The following PTK2 variants were observed in gnomAD, a reference collection of about 807,000 sequenced individuals.
The protein encoded by PTK2 is focal adhesion kinase 1.
A neutral mutation model predicts 150.1 loss-of-function variants in PTK2; 45 were observed. That is an observed-to-expected ratio of 0.30 (90% CI 0.24 to 0.38). PTK2 has a LOEUF of 0.38. PTK2 is among the 10% of genes least tolerant of loss of function. The pLI is 1.00. For missense variants in PTK2, 919 were observed against 1,307.3 expected, an observed-to-expected ratio of 0.70 and a Z score of 4.58; for synonymous variants, 432 against 449.2, an observed-to-expected ratio of 0.96 and a Z score of 0.48.
At chr8:140,927,962 A>G (rs868608750) in intron 1 of PTK2, among the ~76,000 whole-genome samples, 101 of 31,536 alleles carry the variant, frequency 3.2e-3, no homozygotes, top group African/African-American at 4.9e-3. Flanking sequence ...AAAAAAGAAA[A>G]AAAAAAAAAA....
intron 5 of PTK2, among the ~76,000 whole-genome samples, chr8:140,858,764 C>T (rs902491652): frequency 6.6e-6 from 1 of 152,060 alleles, no homozygotes; most frequent in African/African-American, 2.4e-5. Context: ...TGAGCCTGTG[C>T]CAAACAATTA....
intron 2 of PTK2, among the ~76,000 whole-genome samples, chr8:140,902,932 T>G (rs1388512141): frequency 0.022 from 2,128 of 96,988 alleles, 58 homozygotes; most frequent in African/African-American, 0.036. Context: ...TTGTTTTTTT[T>G]TTTTTTTTTT....
intron 4 of PTK2, 99 bp downstream of exon 4, chr8:140,879,372 A>G: frequency 8.2e-7 from 1 of 1,222,978 alleles, no homozygotes; most frequent in Non-Finnish European, 1.1e-6. Flanking sequence ...AATGACAAGC[A>G]GTGTGAAAAT....
chr8:140,677,026 C>T (rs933354140), intron 27 of PTK2, among the ~76,000 whole-genome samples: 19 of 151,466 alleles, frequency 1.3e-4, no homozygotes, highest in Non-Finnish European at 2.4e-4. Flanking sequence ...CAGACTTCAC[C>T]ACTATGCAAT....
chr8:140,822,968 T>C (rs2100109685), intron 8 of PTK2, among the ~76,000 whole-genome samples: 1 of 152,240 alleles, frequency 6.6e-6, no homozygotes, highest in African/African-American at 2.4e-5. Flanking sequence ...TTCAAACTTC[T>C]ATCATAGAAC....
chr8:140,912,615 GA>G lies in PTK2; in HGVS notation c.-33+13045del, dbSNP rs912150583. Among the ~76,000 whole-genome samples the G allele has an allele frequency of 1.1e-4, 16 of 151,362 alleles. No homozygotes were observed. The East Asian group carries it at 1.4e-3, about 13-fold the overall frequency. On this transcript the variant is annotated intron_variant, in intron 2 of 31. Transcript: ENST00000522684. ...CACCCTCTCATAATAATAAAAAAAA[GA>G]AAAAAAACCTCTCAGAAACCTAAGA...
chr8:140,866,955 G>T (rs1378048063), intron 4 of PTK2, among the ~76,000 whole-genome samples: 1 of 152,144 alleles, frequency 6.6e-6, no homozygotes, highest in Non-Finnish European at 1.5e-5. Context: ...AGGAGATGAG[G>T]AAGGGAGTTA....
chr8:140,830,355 A>G (rs2100114657), intron 8 of PTK2, 117 bp downstream of exon 8: 1 of 649,954 alleles, frequency 1.5e-6, no homozygotes, highest in South Asian at 2.0e-5. Context: ...TTTAAATTAT[A>G]TATTTTACAT....
At chr8:140,979,760 G>A (rs2100190703) in intron 1 of PTK2, among the ~76,000 whole-genome samples, 1 of 152,168 alleles carries the variant, frequency 6.6e-6, no homozygotes, top group African/African-American at 2.4e-5. Flanking sequence ...CATGAGATCT[G>A]ATGGTTTTAT....
chr8:140,705,979 A>G (rs2100033516), intron 24 of PTK2, 140 bp downstream of exon 27: 4 of 606,792 alleles, frequency 6.6e-6, no homozygotes, highest in Non-Finnish European at 1.1e-5. Flanking sequence ...TTCAATGATT[A>G]GGGTAACCAC....
chr8:140,839,066 A>C (rs1598089969), intron 7 of PTK2, among the ~76,000 whole-genome samples: 2 of 152,272 alleles, frequency 1.3e-5, no homozygotes, highest in East Asian at 3.9e-4. Flanking sequence ...TGTTGGAAAC[A>C]GATTGAGCTA....
At chr8:140,884,673 T>C (rs1185356136) in intron 3 of PTK2, among the ~76,000 whole-genome samples, 8 of 152,116 alleles carry the variant, frequency 5.3e-5, no homozygotes, top group Admixed American at 3.9e-4. Flanking sequence ...AAGAATTCCC[T>C]TCCCCTACAG....
intron 14 of PTK2, among the ~76,000 whole-genome samples, chr8:140,783,415 C>T (rs1042459582): frequency 6.6e-6 from 1 of 152,142 alleles, no homozygotes; most frequent in Non-Finnish European, 1.5e-5. Flanking sequence ...TACGAAGACT[C>T]TCATGAGGTT....
chr8:140,692,740 C>T (rs1263412616), intron 26 of PTK2, among the ~76,000 whole-genome samples: 1 of 152,110 alleles, frequency 6.6e-6, no homozygotes. Flanking sequence ...AGTCTTTTCT[C>T]CTTTCACTAT....
chr8:140,754,409 C>T (rs184579597), intron 16 of PTK2, among the ~76,000 whole-genome samples: 68 of 152,272 alleles, frequency 4.5e-4, no homozygotes, highest in Admixed American at 1.8e-3. Flanking sequence ...AGGACCATGA[C>T]CATGAATTCT....
rs150052179 is a variant in PTK2, at chr8:140,832,343, C to T, written c.594-1817G>A. Among the ~76,000 whole-genome samples the T allele has an allele frequency of 4.5e-3, 684 of 152,346 alleles. 4 individuals are homozygous for T. Among genetic ancestry groups the T allele is most frequent in the African/African-American group, 0.016 (647 of 41,578 alleles). ...GCGCTGGGATTACAGGCATGAGCCA[C>T]TGCGCCCAGCCTCAGAGAGTTCTTA... On this transcript the variant is annotated intron_variant, in intron 7 of 31. Transcript: ENST00000522684.
intron 14 of PTK2, among the ~76,000 whole-genome samples, chr8:140,766,346 G>T (rs906732096): frequency 1.3e-5 from 2 of 152,096 alleles, no homozygotes; most frequent in African/African-American, 4.8e-5. Context: ...CTCCAACTGA[G>T]GGCTTTACCA....
intron 2 of PTK2, among the ~76,000 whole-genome samples, chr8:140,899,930 A>T (rs2100157777): frequency 6.6e-6 from 1 of 152,208 alleles, no homozygotes; most frequent in South Asian, 2.1e-4. Context: ...TTCCCAAAAA[A>T]TAGGGTACAG....
intron 23 of PTK2, among the ~76,000 whole-genome samples, chr8:140,711,951 T>C (rs2100037085): frequency 6.6e-6 from 1 of 152,236 alleles, no homozygotes; most frequent in Non-Finnish European, 1.5e-5. Context: ...AATGGGACAT[T>C]ATAAAATCAT....
Sources: gnomAD v4.1 joint callset for allele counts (sites outside exome capture counted in the v4.1 genomes callset) on GRCh38, gnomAD v4.1.1 for gene constraint, MANE v1.5 for transcripts, NCBI Gene and HGNC (gene_info 2026-07-23, HGNC 2026-07-21) for gene names.